CCSER1: variants seen among roughly 807,000 people sequenced by gnomAD.
The protein encoded by CCSER1 is coiled-coil serine rich protein 1.
A neutral mutation model predicts 82.0 loss-of-function variants in CCSER1; 41 were observed. The ratio of observed to expected loss-of-function variants is 0.50; its 90% CI spans 0.39 to 0.65. CCSER1 has a LOEUF of 0.65. CCSER1 is among the 30% of genes least tolerant of loss of function. CCSER1 has a pLI of 0.00. For missense variants in CCSER1, 1,119 were observed against 1,064.2 expected, an observed-to-expected ratio of 1.05 and a Z score of -0.72; for synonymous variants, 414 against 383.9, an observed-to-expected ratio of 1.08 and a Z score of -0.92.
chr4:90,977,212 GAGGGCACC>G (rs1464699153), intron 9 of CCSER1, among the ~76,000 whole-genome samples: 2 of 151,454 alleles, frequency 1.3e-5, no homozygotes, highest in Admixed American at 6.6e-5. Flanking sequence ...CAGAAAGACA[GAGGGCACC>G]AGGATTCTTG....
At chr4:90,640,803 C>T (rs964652518) in intron 6 of CCSER1, among the ~76,000 whole-genome samples, 6 of 152,172 alleles carry the variant, frequency 3.9e-5, no homozygotes, top group Non-Finnish European at 8.8e-5. Context: ...TGCCTTGCTT[C>T]CCTTTCATCT....
At chr4:90,274,290 T>C (rs1348640782) in intron 1 of CCSER1, among the ~76,000 whole-genome samples, 1 of 152,118 alleles carries the variant, frequency 6.6e-6, no homozygotes, top group African/African-American at 2.4e-5. Flanking sequence ...GTGGAAGTCA[T>C]GGTGGAAAAA....
At chr4:90,531,945 T>A (rs1487637412) in intron 5 of CCSER1, among the ~76,000 whole-genome samples, 1 of 152,158 alleles carries the variant, frequency 6.6e-6, no homozygotes, top group Admixed American at 6.6e-5. Context: ...TTGGTTAGAT[T>A]GGAAAGGTGT....
intron 3 of CCSER1, among the ~76,000 whole-genome samples, chr4:90,330,209 C>G (rs992410799): frequency 6.6e-6 from 1 of 152,060 alleles, no homozygotes; most frequent in African/African-American, 2.4e-5. Flanking sequence ...AGGATACTTC[C>G]ACCAGTAGGT....
chr4:90,460,463 G>A (rs77462020), intron 4 of CCSER1, among the ~76,000 whole-genome samples: 4,232 of 151,686 alleles, frequency 0.028, 89 homozygotes, highest in Non-Finnish European at 0.045. Flanking sequence ...GGCACACAGC[G>A]ACAAAGTTAC....
At position 90,251,786 on chromosome 4, in the gene CCSER1, G is replaced by C. The variant is rs996574189; in HGVS notation, c.-41-56458G>C. ...CTAAGTTATGATCTGTTGGAATGCAGTTGTTCATAGTATTCCTTTTAATTC... is the reference window on the plus strand; with the variant it reads ...CTAAGTTATGATCTGTTGGAATGCACTTGTTCATAGTATTCCTTTTAATTC... On this transcript the variant is annotated intron_variant, in intron 1 of 10. Transcript: ENST00000509176. Among the ~76,000 whole-genome samples, 10 of 151,900 alleles carry C rather than the reference G, an allele frequency of 6.6e-5. No individual in the cohort carries two copies. In the East Asian group the frequency reaches 1.7e-3, roughly 26 times the overall value.
chr4:90,133,806 A>G (rs1365517824), intron 1 of CCSER1, among the ~76,000 whole-genome samples: 2 of 152,020 alleles, frequency 1.3e-5, no homozygotes, highest in Non-Finnish European at 2.9e-5. Flanking sequence ...GTTTTGTATG[A>G]TTGGTTCAGT....
At chr4:91,436,926 C>CTTTAT (rs1754691966) in intron 10 of CCSER1, among the ~76,000 whole-genome samples, 2 of 152,174 alleles carry the variant, frequency 1.3e-5, no homozygotes, top group Non-Finnish European at 2.9e-5. Context: ...ATGAAAATGT[C>CTTTAT]CTTGGTGCCT....
intron 10 of CCSER1, among the ~76,000 whole-genome samples, chr4:91,086,667 A>T (rs1018053923): frequency 6.6e-6 from 1 of 152,106 alleles, no homozygotes; most frequent in Admixed American, 6.6e-5. Flanking sequence ...CAATTTTTGT[A>T]CAAAAGTGAA....
intron 10 of CCSER1, among the ~76,000 whole-genome samples, chr4:91,243,908 T>C (rs1340156996): frequency 2.6e-5 from 4 of 152,200 alleles, no homozygotes; most frequent in Non-Finnish European, 1.5e-5. Flanking sequence ...GACTTTGTCT[T>C]GAACCTTATG....
intron 1 of CCSER1, among the ~76,000 whole-genome samples, chr4:90,303,731 A>G (rs1178219398): frequency 6.6e-6 from 1 of 152,232 alleles, no homozygotes; most frequent in East Asian, 1.9e-4. Context: ...CATTCAGGAC[A>G]TAGGCATGCG....
At chr4:90,723,445 T>C (rs1450300983) in intron 6 of CCSER1, among the ~76,000 whole-genome samples, 5 of 152,006 alleles carry the variant, frequency 3.3e-5, no homozygotes, top group Middle Eastern at 3.4e-3. Context: ...AGTTTGTAAT[T>C]GTATATTATG....
chr4:90,446,228 T>G (rs541439984), intron 4 of CCSER1, among the ~76,000 whole-genome samples: 1 of 152,336 alleles, frequency 6.6e-6, no homozygotes, highest in South Asian at 2.1e-4. Flanking sequence ...ACTTAGCACA[T>G]TTCTTTTTGG....
intron 10 of CCSER1, among the ~76,000 whole-genome samples, chr4:91,235,709 A>G (rs886204196): frequency 6.6e-6 from 1 of 152,110 alleles, no homozygotes; most frequent in Non-Finnish European, 1.5e-5. Flanking sequence ...AATTAGAAGT[A>G]ATCAGGCCAA....
At chr4:91,347,608 ATATATT>A (rs944507673) in intron 10 of CCSER1, among the ~76,000 whole-genome samples, 2 of 147,894 alleles carry the variant, frequency 1.4e-5, no homozygotes, top group African/African-American at 2.5e-5. Context: ...TGTAGATAGA[ATATATT>A]TGTATTTATT....
At chr4:91,067,055 T>C (rs1720894580) in intron 9 of CCSER1, among the ~76,000 whole-genome samples, 1 of 151,882 alleles carries the variant, frequency 6.6e-6, no homozygotes, top group African/African-American at 2.4e-5. Flanking sequence ...GTCCCAGCTA[T>C]TTGGGAGGCT....
intron 5 of CCSER1, among the ~76,000 whole-genome samples, chr4:90,552,713 T>G (rs1017862542): frequency 6.6e-6 from 1 of 152,124 alleles, no homozygotes; most frequent in African/African-American, 2.4e-5. Context: ...CAATTCAGCT[T>G]CCCAAAGTGC....
intron 10 of CCSER1, among the ~76,000 whole-genome samples, chr4:91,421,263 T>A (rs1003190572): frequency 1.3e-5 from 2 of 152,278 alleles, no homozygotes; most frequent in African/African-American, 4.8e-5. Flanking sequence ...AAAAGTCTCA[T>A]GATATGTAGT....
At chr4:91,493,387 A>G (rs1191406433) in intron 10 of CCSER1, among the ~76,000 whole-genome samples, 1 of 151,878 alleles carries the variant, frequency 6.6e-6, no homozygotes, top group African/African-American at 2.4e-5. Context: ...CTAGTGAGGC[A>G]TAAGTTATTT....
Sources: allele counts gnomAD v4.1 joint callset (sites outside exome capture counted in the v4.1 genomes callset), GRCh38; gene constraint gnomAD v4.1.1; transcripts MANE v1.5; gene names NCBI Gene and HGNC (gene_info 2026-07-23, HGNC 2026-07-21).